NRXN3: variants seen among roughly 807,000 people sequenced by gnomAD.
NRXN3 encodes neurexin 3, also known as neurexin III.
In NRXN3, 32 loss-of-function variants were observed where a neutral mutation model predicts 137.6. That is an observed-to-expected ratio of 0.23 (90% CI 0.18 to 0.31). The LOEUF is 0.31. Among genes scored for constraint, NRXN3 ranks in the 10% least tolerant of loss-of-function variants. The probability of loss-of-function intolerance (pLI) is 1.00; values close to 1 mark genes in which losing one functional copy is unlikely to be tolerated. For missense variants in NRXN3, 1,574 were observed against 2,062.5 expected, an observed-to-expected ratio of 0.76 and a Z score of 4.59; for synonymous variants, 798 against 784.5, an observed-to-expected ratio of 1.02 and a Z score of -0.29.
rs17109704 is a variant in NRXN3 at position 79,667,670 on chromosome 14, A to G, written c.3616+3721A>G. Among the ~76,000 whole-genome samples, 3,298 of 152,238 alleles carry G rather than the reference A, an allele frequency of 0.022. 199 individuals carry two copies. The East Asian group carries it at 0.24, about 11-fold the overall frequency. ...CTTCTTTCTTTGAACCTGAAAATAG[A>G]AAAGCTAAGAAACAGGAGAGGGAAA... On this transcript the variant is annotated intron_variant, in intron 17 of 20. Transcript: ENST00000335750.
chr14:78,982,450 G>A (rs185801484), intron 14 of NRXN3, among the ~76,000 whole-genome samples: 2 of 152,184 alleles, frequency 1.3e-5, no homozygotes, highest in Admixed American at 6.5e-5. Context: ...CGGATGCACT[G>A]ACCAGTGGAA....
chr14:78,983,210 T>C (rs548799895), intron 14 of NRXN3, among the ~76,000 whole-genome samples: 17 of 152,322 alleles, frequency 1.1e-4, no homozygotes, highest in African/African-American at 4.1e-4. Flanking sequence ...TGTAAATTAA[T>C]ATAACCATTA....
chr14:78,273,679 T>C (rs929445872), intron 2 of NRXN3, among the ~76,000 whole-genome samples: 1 of 152,214 alleles, frequency 6.6e-6, no homozygotes, highest in Non-Finnish European at 1.5e-5. Context: ...AATATGTGTG[T>C]ATACATATGT....
chr14:79,031,273 T>C (rs1160142100), intron 15 of NRXN3, among the ~76,000 whole-genome samples: 1 of 152,182 alleles, frequency 6.6e-6, no homozygotes, highest in Non-Finnish European at 1.5e-5. Context: ...CAAGGTTAAA[T>C]ATTTAGCCTT....
At position 79,410,921 on chromosome 14, in the gene NRXN3, G is replaced by A. The variant is rs570111786; in HGVS notation, c.3263-56300G>A. On this transcript the variant is annotated intron_variant, in intron 15 of 20. Coordinates refer to ENST00000335750, the MANE Select transcript of NRXN3 (RefSeq NM_001330195.2). ...ATTTAATAGCTATTTTGAGTCTTCA[G>A]GGTACAATTTACAGTTTTGGGGGGG... Among the ~76,000 whole-genome samples, 17 of 152,158 alleles carry A rather than the reference G, an allele frequency of 1.1e-4. No individual in the cohort carries two copies. The East Asian group carries it at 3.3e-3, about 29-fold the overall frequency.
chr14:79,063,987 G>A (rs963174936), intron 15 of NRXN3, among the ~76,000 whole-genome samples: 2 of 152,154 alleles, frequency 1.3e-5, no homozygotes, highest in African/African-American at 4.8e-5. Context: ...AAACAAGTAT[G>A]TGTGAAGAAG....
chr14:78,614,341 G>A (rs764481452), intron 4 of NRXN3, among the ~76,000 whole-genome samples: 184 of 152,176 alleles, frequency 1.2e-3, no homozygotes, highest in Middle Eastern at 3.4e-3. Flanking sequence ...AACAAAATTG[G>A]CTGTTTACTA....
chr14:78,448,226 GATT>G (rs1439028754), intron 4 of NRXN3, among the ~76,000 whole-genome samples: 1 of 151,830 alleles, frequency 6.6e-6, no homozygotes, highest in Admixed American at 6.7e-5. Context: ...TTCCTAAATA[GATT>G]ATAAGACCCT....
chr14:79,382,938 A>G (rs370091695), intron 15 of NRXN3, among the ~76,000 whole-genome samples: 43 of 141,544 alleles, frequency 3.0e-4, no homozygotes, highest in African/African-American at 1.0e-3. Flanking sequence ...TGTTTTTTCT[A>G]GTCTACCACC....
At chr14:78,262,517 A>G (rs2070913578) in intron 2 of NRXN3, among the ~76,000 whole-genome samples, 1 of 152,100 alleles carries the variant, frequency 6.6e-6, no homozygotes. Context: ...AGCCTTGAGA[A>G]ACTTATTGCT....
At chr14:79,153,540 G>A (rs2059987790) in intron 15 of NRXN3, among the ~76,000 whole-genome samples, 2 of 151,698 alleles carry the variant, frequency 1.3e-5, no homozygotes, top group African/African-American at 4.8e-5. Context: ...TCTTGTCCTG[G>A]GCCCTTTAAA....
intron 15 of NRXN3, among the ~76,000 whole-genome samples, chr14:79,397,817 A>G (rs1229466689): frequency 1.3e-5 from 2 of 152,220 alleles, no homozygotes; most frequent in African/African-American, 4.8e-5. Context: ...CACATTGACA[A>G]TAGGCAGAAA....
At chr14:78,394,173 T>C (rs1353845662) in intron 4 of NRXN3, among the ~76,000 whole-genome samples, 1 of 152,038 alleles carries the variant, frequency 6.6e-6, no homozygotes. Flanking sequence ...ACTTTGTTTA[T>C]GATCTTAAGG....
chr14:78,745,922 A>C (rs1176398597), intron 8 of NRXN3, among the ~76,000 whole-genome samples: 3 of 152,186 alleles, frequency 2.0e-5, no homozygotes, highest in Non-Finnish European at 4.4e-5. Flanking sequence ...CTTCCCTCCC[A>C]AAAAAGTAAG....
At chr14:78,367,483 A>G (rs969301243) in intron 4 of NRXN3, among the ~76,000 whole-genome samples, 1 of 152,174 alleles carries the variant, frequency 6.6e-6, no homozygotes, top group African/African-American at 2.4e-5. Context: ...CTCCAGTAAT[A>G]CTGATTATAT....
intron 8 of NRXN3, among the ~76,000 whole-genome samples, chr14:78,716,418 G>T (rs1275879058): frequency 6.6e-6 from 1 of 152,212 alleles, no homozygotes; most frequent in Non-Finnish European, 1.5e-5. Flanking sequence ...TACCTGTATA[G>T]TTCTTGCCCT....
At chr14:78,724,133 G>A (rs1361246494) in intron 8 of NRXN3, among the ~76,000 whole-genome samples, 1 of 151,992 alleles carries the variant, frequency 6.6e-6, no homozygotes, top group Non-Finnish European at 1.5e-5. Flanking sequence ...TTTTTCCTTG[G>A]AGATAGAAAA....
At chr14:79,456,248 T>C (rs1309273459) in intron 15 of NRXN3, among the ~76,000 whole-genome samples, 3 of 152,182 alleles carry the variant, frequency 2.0e-5, no homozygotes, top group Non-Finnish European at 4.4e-5. Context: ...AATTCCTGAG[T>C]TGCTTATCAC....
intron 10 of NRXN3, among the ~76,000 whole-genome samples, chr14:78,860,629 T>A (rs771058141): frequency 6.6e-6 from 1 of 152,180 alleles, no homozygotes; most frequent in Non-Finnish European, 1.5e-5. Context: ...TATTATATAC[T>A]GTATTCTTAC....
Sources: gnomAD v4.1 joint callset for allele counts (sites outside exome capture counted in the v4.1 genomes callset) on GRCh38, gnomAD v4.1.1 for gene constraint, MANE v1.5 for transcripts, NCBI Gene and HGNC (gene_info 2026-07-23, HGNC 2026-07-21) for gene names.